Variants in SCUBE1 observed in about 807,000 individuals in gnomAD.
SCUBE1 encodes signal peptide, CUB domain and EGF like domain containing 1.
A neutral mutation model predicts 124.4 loss-of-function variants in SCUBE1; 59 were observed. That is an observed-to-expected ratio of 0.47 (90% CI 0.38 to 0.59). SCUBE1 has a LOEUF of 0.59. SCUBE1 is among the 20% of genes least tolerant of loss of function. The pLI is 0.00. For synonymous variants in SCUBE1, 545 were observed against 550.9 expected, an observed-to-expected ratio of 0.99 and a Z score of 0.15; for missense variants, 1,150 against 1,371.2, an observed-to-expected ratio of 0.84 and a Z score of 2.55.
At chr22:43,259,161 T>C (rs1246370741) in intron 5 of SCUBE1, among the ~76,000 whole-genome samples, 4 of 152,072 alleles carry the variant, frequency 2.6e-5, no homozygotes. Flanking sequence ...CATGGTCCAT[T>C]TCCAGGGTGA....
intron 3 of SCUBE1, among the ~76,000 whole-genome samples, chr22:43,292,962 CTGACTGGGGAA>C (rs1569016926): frequency 6.6e-6 from 1 of 152,358 alleles, no homozygotes; most frequent in East Asian, 1.9e-4. Flanking sequence ...TCGCACCATT[CTGACTGGGGAA>C]GCCTGGGGAG....
chr22:43,284,016 T>C (rs1444022305), intron 4 of SCUBE1, among the ~76,000 whole-genome samples: 1 of 152,244 alleles, frequency 6.6e-6, no homozygotes, highest in Non-Finnish European at 1.5e-5. Flanking sequence ...GGCCGGCAGC[T>C]GCTCTAAAGT....
chr22:43,268,065 C>T (rs147052619), intron 4 of SCUBE1, among the ~76,000 whole-genome samples: 2 of 152,334 alleles, frequency 1.3e-5, no homozygotes, highest in East Asian at 3.9e-4. Flanking sequence ...CCTCCAGCTC[C>T]CCTGAGCCAG....
At chr22:43,307,366 A>G (rs1448698280) in intron 3 of SCUBE1, among the ~76,000 whole-genome samples, 1 of 152,348 alleles carries the variant, frequency 6.6e-6, no homozygotes, top group South Asian at 2.1e-4. Flanking sequence ...CAGCAGGTGT[A>G]TGGACACCCT....
chr22:43,255,721 A>C lies in SCUBE1; in HGVS notation c.727+2498T>G, dbSNP rs559813524. ...AGCTCGGCATCCTCGCCAAGGGGCT[A>C]ATCCCAGGAACCTCCAAGGTGGGGG... On this transcript the variant is annotated intron_variant, in intron 6 of 21. Coordinates refer to ENST00000360835, the MANE Select transcript of SCUBE1 (RefSeq NM_173050.5). The surrounding 1 kb of genome is among the most constrained non-coding windows in gnomAD (Gnocchi z 4.7). 4.2e-6 allele frequency: 3 copies of C among 712,590 alleles called. No homozygotes were observed. The East Asian group carries it at 8.1e-5, about 19-fold the overall frequency. The allele number at this position is 712,590 out of a possible 1,614,324, so 44.1% of individuals were successfully genotyped here.
intron 5 of SCUBE1, among the ~76,000 whole-genome samples, chr22:43,259,275 C>T (rs1471309645): frequency 3.9e-5 from 6 of 152,306 alleles, no homozygotes; most frequent in Admixed American, 1.3e-4. Context: ...ATCATCCGAA[C>T]GCAAATGTGC....
chr22:43,336,992 T>C (rs1476322913), intron 2 of SCUBE1, among the ~76,000 whole-genome samples: 1 of 152,086 alleles, frequency 6.6e-6, no homozygotes. Context: ...TGTGCATGCA[T>C]GTGCCAGGAC....
intron 6 of SCUBE1, among the ~76,000 whole-genome samples, chr22:43,239,668 C>A (rs1321534887): frequency 6.6e-6 from 1 of 152,248 alleles, no homozygotes; most frequent in Admixed American, 6.5e-5. Flanking sequence ...GAGGGGCTGG[C>A]AGAGCTGGCA....
chr22:43,310,185 GCCC>G (rs1926120454), intron 3 of SCUBE1, among the ~76,000 whole-genome samples: 1 of 151,930 alleles, frequency 6.6e-6, no homozygotes, highest in Non-Finnish European at 1.5e-5. Flanking sequence ...AGGCATCCTG[GCCC>G]ATCCCCAAAC....
rs747967945 is a variant in SCUBE1 at position 43,255,374 on chromosome 22, CCA to C, written c.727+2843_727+2844del. The C allele has an allele frequency of 6.5e-6, 6 of 916,524 alleles. No individual in the cohort carries two copies. Among genetic ancestry groups the C allele is most frequent in the Non-Finnish European group, 8.6e-6 (5 of 578,526 alleles). The allele number at this position is 916,524 out of a possible 1,614,324, so 56.8% of individuals were successfully genotyped here. On this transcript the variant is annotated intron_variant, in intron 6 of 21. Coordinates refer to ENST00000360835, the MANE Select transcript of SCUBE1 (RefSeq NM_173050.5). This position sits in a 1 kb window ranked among gnomAD's most constrained non-coding sequence, Gnocchi z 4.7. ...ATGCCCCCACACGCACACGTCACAC[CCA>C]CACACAGCACACACACGCCCATGTC... is the stretch of plus-strand genomic sequence containing the variant.
chr22:43,291,641 G>A (rs1264753482), intron 3 of SCUBE1, among the ~76,000 whole-genome samples: 1 of 152,152 alleles, frequency 6.6e-6, no homozygotes, highest in African/African-American at 2.4e-5. Flanking sequence ...GGCCTCCATC[G>A]TGCTGTGCTA....
At position 43,280,756 on chromosome 22, in the gene SCUBE1, CCTCCCTCATTGGCCACCCTCCTGTCAT is replaced by C. The variant is rs1924776433; in HGVS notation, c.484+10263_484+10289del. 1.2e-4 allele frequency among the ~76,000 whole-genome samples: 8 copies of C among 64,104 alleles called. 1 individual carries two copies. The highest frequency in any genetic ancestry group is 3.9e-4 in the African/African-American group (6 of 15,496). The allele number at this position is 64,104 out of a possible 152,430, so 42.1% of individuals were successfully genotyped here. On this transcript the variant is annotated intron_variant, in intron 4 of 21. Coordinates refer to ENST00000360835, the MANE Select transcript of SCUBE1 (RefSeq NM_173050.5). ...TTCCTCCTCGGCCACCCTCCTGTCACCTCCCTCATTGGCCACCCTCCTGTCATCTCCTCCTCAGCTACCCTGTCACCT... is the reference window on the plus strand; with the variant it reads ...TTCCTCCTCGGCCACCCTCCTGTCACCTCCTCCTCAGCTACCCTGTCACCT...
At chr22:43,229,746 G>A (rs1429313233) in intron 8 of SCUBE1, among the ~76,000 whole-genome samples, 2 of 152,340 alleles carry the variant, frequency 1.3e-5, no homozygotes, top group Admixed American at 6.5e-5. Flanking sequence ...AATGTGAAAT[G>A]TGATGATGAG....
At chr22:43,283,284 G>C (rs967602021) in intron 4 of SCUBE1, 31 of 152,350 alleles carry the variant, frequency 2.0e-4, no homozygotes, top group Admixed American at 1.7e-3. Flanking sequence ...AGAGGGTCAT[G>C]ATTTGAACCC....
intron 10 of SCUBE1, 58 bp from the exon 11 acceptor site, chr22:43,223,274 C>T: frequency 2.0e-6 from 3 of 1,524,328 alleles, no homozygotes; most frequent in Non-Finnish European, 1.7e-6. Context: ...CTTCCTGGAG[C>T]CAGGAGGGTC....
chr22:43,212,119 C>T (rs1027020647), intron 17 of SCUBE1, among the ~76,000 whole-genome samples: 2 of 150,828 alleles, frequency 1.3e-5, no homozygotes, highest in African/African-American at 4.8e-5. Context: ...ACACTCCTGC[C>T]CCCTCCTCAC....
rs1925344620 is a variant in SCUBE1 at position 43,291,184 on chromosome 22, T to C, written c.350-4A>G. 2.5e-6 allele frequency: 4 copies of C among 1,603,098 alleles called. No homozygotes were observed. The highest frequency in any genetic ancestry group is 3.4e-6 in the Non-Finnish European group (4 of 1,170,962). ...TTGTCCTGACACTCGTCCACATCTG[T>C]GAGAAAAGGAAGAGAAGGGGACCAG... On this transcript the variant is annotated splice_region_variant and splice_polypyrimidine_tract_variant and intron_variant, in intron 3 of 21. Transcript: ENST00000360835.
chr22:43,232,465 G>T (rs1391979271), intron 7 of SCUBE1: 2 of 154,484 alleles, frequency 1.3e-5, no homozygotes, highest in African/African-American at 2.4e-5. Context: ...CTCTGTTTGA[G>T]GAGTAGACTG....
At position 43,319,819 on chromosome 22, in the gene SCUBE1, C is replaced by A. The variant is rs964475327; in HGVS notation, c.349+118G>T. On this transcript the variant is annotated intron_variant, in intron 3 of 21. Coordinates refer to ENST00000360835, the MANE Select transcript of SCUBE1 (RefSeq NM_173050.5). The stretch of plus-strand genomic sequence containing the variant: ...TGGTATTTTGTTATGACAACCCTGG[C>A]AAACTAATACAGGAAGCCAAAGGAA... 7.0e-6 allele frequency: 9 copies of A among 1,293,208 alleles called. No homozygotes were observed. The African/African-American group carries it at 1.2e-4, about 17-fold the overall frequency. 80.1% of individuals were successfully genotyped at this position (1,293,208 alleles called of 1,614,324 possible).
Sources: allele counts gnomAD v4.1 joint callset (sites outside exome capture counted in the v4.1 genomes callset), GRCh38; gene constraint gnomAD v4.1.1; non-coding constraint Gnocchi (gnomAD v3.1); transcripts MANE v1.5; gene names NCBI Gene and HGNC (gene_info 2026-07-23, HGNC 2026-07-21).